Variants in RYR2 observed in about 807,000 individuals in gnomAD.
RYR2 encodes the protein cardiac muscle ryanodine receptor-calcium release channel.
In RYR2, 227 loss-of-function variants were observed where a neutral mutation model predicts 601.1. That is an observed-to-expected ratio of 0.38 (90% CI 0.34 to 0.42). RYR2 has a LOEUF of 0.42. Ranked by LOEUF, RYR2 falls within the 10% of genes least tolerant of loss-of-function variation. The pLI is 1.00. For synonymous variants in RYR2, 2,223 were observed against 2,175.1 expected (o/e 1.02, Z -0.61); for missense variants, 4,646 against 6,156.5 (o/e 0.75, Z 8.21).
chr1:237,671,890 C>G (rs188718212), intron 58 of RYR2, among the ~76,000 whole-genome samples: 35 of 152,224 alleles, frequency 2.3e-4, no homozygotes, highest in African/African-American at 8.4e-4. Flanking sequence ...GTACCATGGT[C>G]ATCTGTTGTT....
At chr1:237,668,326 C>T (rs1221446913) in intron 58 of RYR2, among the ~76,000 whole-genome samples, 1 of 152,160 alleles carries the variant, frequency 6.6e-6, no homozygotes, top group Non-Finnish European at 1.5e-5. Flanking sequence ...TTGTCTGGTC[C>T]AGCTATGTTA....
intron 38 of RYR2, among the ~76,000 whole-genome samples, chr1:237,621,577 C>T (rs930148825): frequency 2.0e-5 from 3 of 152,164 alleles, no homozygotes; most frequent in African/African-American, 7.2e-5. Flanking sequence ...TCATGGCACA[C>T]CCTGCTGACG....
In RYR2 at chr1:237,819,895, A is replaced by C. The variant is rs117865640; in HGVS notation, c.14590+703A>C. ...CCTGTGGTTGTTGAGATTTTTAAAA[A>C]TGACATACAGGCCAGGCGCAGGGGC... is the stretch of plus-strand genomic sequence containing the variant. On this transcript the variant is annotated intron_variant, in intron 101 of 104. Coordinates refer to ENST00000366574, the MANE Select transcript of RYR2 (RefSeq NM_001035.3). This position sits in a 1 kb window ranked among gnomAD's most constrained non-coding sequence, Gnocchi z 4.0. 4.4e-3 allele frequency among the ~76,000 whole-genome samples: 663 copies of C among 152,014 alleles called. 8 individuals carry two copies. The East Asian group carries it at 0.054, about 12-fold the overall frequency.
chr1:237,437,735 C>A (rs1707544240), intron 12 of RYR2, among the ~76,000 whole-genome samples: 1 of 152,160 alleles, frequency 6.6e-6, no homozygotes. Flanking sequence ...AAAAGCAGTG[C>A]TTGCAATAAT....
At chr1:237,382,918 T>TTG (rs1309925541) in intron 8 of RYR2, among the ~76,000 whole-genome samples, 4 of 151,596 alleles carry the variant, frequency 2.6e-5, no homozygotes, top group African/African-American at 9.7e-5. Context: ...GTTTTTGTTT[T>TTG]TTTTTTTTCA....
rs139208795 is a variant in RYR2 at position 237,426,880 on chromosome 1, T to C, written c.1005+3632T>C. On this transcript the variant is annotated intron_variant, in intron 12 of 104. Transcript: ENST00000366574. ...GCAACACAGTGAGACCAAGACTTTA[T>C]AGAAAAACTAAAAATAAAAAAATTA... 4.5e-4 allele frequency among the ~76,000 whole-genome samples: 68 copies of C among 152,068 alleles called. 1 individual carries two copies. Among genetic ancestry groups the C allele is most frequent in the African/African-American group, 1.6e-3 (65 of 41,460 alleles).
rs375213838 is a variant in RYR2 at position 237,792,206 on chromosome 1, C to T, written c.13665C>T (p.Ile4555=). ...TSLDSSSHRI[I]AVHYVLEESS... is the part of the protein sequence containing the mutation. ...TGGACAGCAGCTCCCATAGAATCAT[C>T]GCAGTTCACTATGTACTAGAGGAGA... Residue 4555 remains isoleucine (I), a synonymous_variant, in exon 94 of 105, where the codon ATC becomes ATT. Transcript: ENST00000366574. 39 of 1,613,546 alleles carry T rather than the reference C, an allele frequency of 2.4e-5. No individual in the cohort carries two copies. The highest frequency in any genetic ancestry group is 1.6e-4 in the Middle Eastern group (1 of 6,084).
At chr1:237,436,454 C>CTTTTTCTTTTTTTTTTTTTTTTTTT (rs1707369752) in intron 12 of RYR2, among the ~76,000 whole-genome samples, 1 of 48,730 alleles carries the variant, frequency 2.1e-5, no homozygotes, top group African/African-American at 9.9e-5. Flanking sequence ...TGTGATTTTC[C>CTTTTTCTTTTTTTTTTTTTTTTTTT]TTTTTTTTTT....
intron 1 of RYR2, among the ~76,000 whole-genome samples, chr1:237,137,649 G>A (rs968665669): frequency 6.6e-6 from 1 of 152,174 alleles, no homozygotes; most frequent in Non-Finnish European, 1.5e-5. Flanking sequence ...TAAGATGTGC[G>A]ACGTGGCATC....
At chr1:237,520,037 T>G (rs1666938969) in intron 24 of RYR2, among the ~76,000 whole-genome samples, 1 of 152,182 alleles carries the variant, frequency 6.6e-6, no homozygotes, top group Non-Finnish European at 1.5e-5. Context: ...TTTTAGGTAT[T>G]TCAATGAGGT....
chr1:237,818,242 G>A (rs1435499279), intron 100 of RYR2, among the ~76,000 whole-genome samples: 1 of 152,180 alleles, frequency 6.6e-6, no homozygotes, highest in Non-Finnish European at 1.5e-5. Context: ...GGAGATATCT[G>A]TTATTGTCAC....
At chr1:237,721,334 A>C (rs921172634) in intron 73 of RYR2, among the ~76,000 whole-genome samples, 34 of 152,202 alleles carry the variant, frequency 2.2e-4, no homozygotes, top group Non-Finnish European at 4.4e-5. Context: ...ATCCCTATAC[A>C]AAGCTCTATC....
intron 1 of RYR2, among the ~76,000 whole-genome samples, chr1:237,050,923 A>G (rs1246550996): frequency 6.6e-6 from 1 of 152,238 alleles, no homozygotes; most frequent in African/African-American, 2.4e-5. Flanking sequence ...GTTTATATTT[A>G]TTTCATAATC....
At chr1:237,832,519 GA>G (rs56275730) in intron 104 of RYR2, 32 bp from the exon 105 acceptor site, 2 of 1,435,002 alleles carry the variant, frequency 1.4e-6, no homozygotes, top group Non-Finnish European at 9.8e-7. Flanking sequence ...ACACTTTGGG[GA>G]AAATGTTAAT....
chr1:237,626,482 C>G (rs1402800), intron 40 of RYR2, among the ~76,000 whole-genome samples: 1 of 149,494 alleles, frequency 6.7e-6, no homozygotes, highest in Non-Finnish European at 1.5e-5. Flanking sequence ...ACAGTTACTT[C>G]TAAATTTATT....
intron 1 of RYR2, among the ~76,000 whole-genome samples, chr1:237,092,885 A>G (rs1667124448): frequency 6.6e-6 from 1 of 152,160 alleles, no homozygotes; most frequent in Admixed American, 6.5e-5. Flanking sequence ...CCTTCACAGC[A>G]TTTCTTGGAT....
chr1:237,356,242 A>G (rs1699283901), intron 4 of RYR2, among the ~76,000 whole-genome samples: 1 of 151,908 alleles, frequency 6.6e-6, no homozygotes, highest in African/African-American at 2.4e-5. Context: ...TTATTTTGTA[A>G]TTATTATGTG....
rs529271906 is a variant in RYR2 at position 237,298,981 on chromosome 1, G to A, written c.168+28365G>A. ...TGTGCTCCAGCCTGGGCGACAAAGT[G>A]AGACTCCCCTCTCTAAAAAATAAAC... is the stretch of plus-strand genomic sequence containing the variant. On this transcript the variant is annotated intron_variant, in intron 2 of 104. Coordinates refer to ENST00000366574, the MANE Select transcript of RYR2 (RefSeq NM_001035.3). Among the ~76,000 whole-genome samples the A allele has an allele frequency of 2.6e-5, 4 of 152,250 alleles. No homozygotes were observed. The East Asian group carries it at 5.8e-4, about 22-fold the overall frequency.
At chr1:237,266,320 A>G (rs1265472162) in intron 1 of RYR2, among the ~76,000 whole-genome samples, 2 of 139,868 alleles carry the variant, frequency 1.4e-5, no homozygotes, top group Non-Finnish European at 3.2e-5. Flanking sequence ...TTCTTGGAAT[A>G]GAAACTAGAT....
Sources: gnomAD v4.1 joint callset for allele counts (sites outside exome capture counted in the v4.1 genomes callset) on GRCh38, gnomAD v4.1.1 for gene constraint, Gnocchi (gnomAD v3.1) non-coding constraint, MANE v1.5 for transcripts, NCBI Gene and HGNC (gene_info 2026-07-23, HGNC 2026-07-21) for gene names.